Variants in SLC38A12 observed in about 807,000 individuals in gnomAD.
The protein encoded by SLC38A12 is solute carrier family 38 member 12, also known as putative sodium-coupled neutral amino acid transporter 12.
the SLC38A12 span, chr17:74,836,370 C>G: frequency 6.2e-7 from 1 of 1,612,520 alleles, no homozygotes; most frequent in Non-Finnish European, 8.5e-7. This position sits in a 1 kb window ranked among gnomAD's most constrained non-coding sequence, Gnocchi z 4.2. Context: ...CGGCACGTAC[C>G]CGTGGGTGGT....
the SLC38A12 span, among the ~76,000 whole-genome samples, chr17:74,824,800 A>G: frequency 6.6e-6 from 1 of 152,184 alleles, no homozygotes; most frequent in Non-Finnish European, 1.5e-5. Flanking sequence ...AGCCTGCCTC[A>G]TGAAGTTCTC....
the SLC38A12 span, among the ~76,000 whole-genome samples, chr17:74,822,849 G>A: frequency 2.6e-5 from 4 of 152,210 alleles, no homozygotes; most frequent in Admixed American, 6.5e-5. Context: ...GGGCAGCAGC[G>A]TGGCTCAGGA....
chr17:74,839,051 G>A, the SLC38A12 span: 3 of 1,535,540 alleles, frequency 2.0e-6, no homozygotes, highest in South Asian at 3.6e-5. Flanking sequence ...GGTCAAGGTG[G>A]GAGTAAACTT....
chr17:74,814,613 C>A, the SLC38A12 span, among the ~76,000 whole-genome samples: 1 of 152,200 alleles, frequency 6.6e-6, no homozygotes, highest in Non-Finnish European at 1.5e-5. Context: ...GACTCTTGCC[C>A]ACATGCTGCT....
chr17:74,836,279 C>T, the SLC38A12 span: 138 of 1,611,954 alleles, frequency 8.6e-5, no homozygotes, highest in Non-Finnish European at 1.0e-4. This position sits in a 1 kb window ranked among gnomAD's most constrained non-coding sequence, Gnocchi z 4.2. Flanking sequence ...GCCTCTTCCC[C>T]GTCTTCACCA....
the SLC38A12 span, chr17:74,777,463 G>T: frequency 1.9e-6 from 3 of 1,596,422 alleles, no homozygotes; most frequent in African/African-American, 4.0e-5. Flanking sequence ...GGACTAGTGA[G>T]TGCTGCTGCT....
the SLC38A12 span, chr17:74,795,659 T>G: frequency 7.4e-5 from 117 of 1,583,880 alleles, no homozygotes; most frequent in Non-Finnish European, 9.2e-5. Flanking sequence ...CTGTGCCGCC[T>G]GCCCCAGCCC....
chr17:74,799,342 TG>T, the SLC38A12 span, among the ~76,000 whole-genome samples: 1 of 152,238 alleles, frequency 6.6e-6, no homozygotes, highest in African/African-American at 2.4e-5. Context: ...TTATCCTGGC[TG>T]GAGACCCGGC....
the SLC38A12 span, among the ~76,000 whole-genome samples, chr17:74,781,901 C>A: frequency 6.6e-6 from 1 of 152,226 alleles, no homozygotes; most frequent in African/African-American, 2.4e-5. Context: ...CTGAAAGCTC[C>A]TCGAGCCTAC....
the SLC38A12 span, chr17:74,838,449 T>A: frequency 9.8e-7 from 1 of 1,022,232 alleles, no homozygotes; most frequent in Non-Finnish European, 1.2e-6. Flanking sequence ...CAAAGCTAAT[T>A]AAATCATCCT....
At chr17:74,779,932 A>G in the SLC38A12 span, among the ~76,000 whole-genome samples, 2 of 152,256 alleles carry the variant, frequency 1.3e-5, no homozygotes, top group Non-Finnish European at 2.9e-5. Context: ...TCTCAAGGGT[A>G]GTGCTGAACA....
the SLC38A12 span, among the ~76,000 whole-genome samples, chr17:74,824,514 A>G: frequency 6.6e-6 from 1 of 152,280 alleles, no homozygotes. Flanking sequence ...CAGTCCCATT[A>G]CCAACTTTCA....
chr17:74,823,485 G>A, the SLC38A12 span, among the ~76,000 whole-genome samples: 1 of 152,266 alleles, frequency 6.6e-6, no homozygotes, highest in African/African-American at 2.4e-5. Flanking sequence ...GGCACTGAAA[G>A]GGTTAAATGG....
At chr17:74,795,188 G>T in the SLC38A12 span, 7 of 1,239,638 alleles carry the variant, frequency 5.6e-6, no homozygotes, top group Non-Finnish European at 8.3e-6. Context: ...GTGTCCAGGG[G>T]AGAAGCACCA....
the SLC38A12 span, among the ~76,000 whole-genome samples, chr17:74,780,330 T>C: frequency 6.6e-6 from 1 of 152,210 alleles, no homozygotes; most frequent in African/African-American, 2.4e-5. Context: ...GCATGTGGGA[T>C]GCTGCACTGA....
At chr17:74,777,156 CTAAG>C in the SLC38A12 span, 1 of 713,392 alleles carries the variant, frequency 1.4e-6, no homozygotes, top group Non-Finnish European at 2.5e-6. Flanking sequence ...TACTGAGGCC[CTAAG>C]TGTCTGTGAT....
At chr17:74,780,631 T>C in the SLC38A12 span, among the ~76,000 whole-genome samples, 6,573 of 152,220 alleles carry the variant, frequency 0.043, 170 homozygotes, top group Middle Eastern at 0.058. Flanking sequence ...CAGATTTGCT[T>C]CCTGCCTCTA....
the SLC38A12 span, among the ~76,000 whole-genome samples, chr17:74,810,651 C>T: frequency 7.9e-5 from 12 of 152,256 alleles, no homozygotes; most frequent in African/African-American, 2.7e-4. Context: ...CCATCCCCTC[C>T]CAGTCTCTGG....
the SLC38A12 span, among the ~76,000 whole-genome samples, chr17:74,798,705 G>C: frequency 6.6e-6 from 1 of 152,202 alleles, no homozygotes; most frequent in African/African-American, 2.4e-5. Context: ...ATTATCATCA[G>C]GATCTGCTAT....
Sources: allele counts gnomAD v4.1 joint callset (sites outside exome capture counted in the v4.1 genomes callset), GRCh38; gene constraint gnomAD v4.1.1; non-coding constraint Gnocchi (gnomAD v3.1); transcripts MANE v1.5; gene names NCBI Gene and HGNC (gene_info 2026-07-23, HGNC 2026-07-21).